STK3: variants seen among roughly 807,000 people sequenced by gnomAD.
STK3 encodes serine/threonine-protein kinase 3.
In STK3, 41 loss-of-function variants were observed where a neutral mutation model predicts 58.0. The ratio of observed to expected loss-of-function variants is 0.71; its 90% CI spans 0.55 to 0.92. The LOEUF (loss-of-function observed/expected upper bound fraction) is 0.92, where lower values mean the gene tolerates loss of function less well. Ranked by LOEUF, STK3 falls within the 40% of genes least tolerant of loss-of-function variation. STK3 has a pLI of 0.00. For missense variants in STK3, 479 were observed against 602.7 expected (o/e 0.79, Z 2.15); for synonymous variants, 170 against 191.0 (o/e 0.89, Z 0.91).
At position 98,764,398 on chromosome 8, in the gene STK3, G is replaced by A. The variant is rs1279344431; in HGVS notation, c.236+2845C>T. 2.6e-5 allele frequency among the ~76,000 whole-genome samples: 4 copies of A among 152,098 alleles called. No homozygotes were observed. In the East Asian group the frequency reaches 7.7e-4, roughly 29 times the overall value. On this transcript the variant is annotated intron_variant, in intron 3 of 10. Transcript: ENST00000419617. The stretch of plus-strand genomic sequence containing the variant: ...AAGTATACTGCTAGGCGCTGAACAG[G>A]TGCTAATAAAGAAAAATATATGGTT...
chr8:98,459,149 G>A (rs1007420787), intron 10 of STK3, among the ~76,000 whole-genome samples: 26 of 152,224 alleles, frequency 1.7e-4, no homozygotes, highest in African/African-American at 5.5e-4. Flanking sequence ...CAATGAAGCC[G>A]TGGCTGAAGT....
chr8:98,519,005 T>C (rs560043471), intron 10 of STK3, among the ~76,000 whole-genome samples: 4 of 152,280 alleles, frequency 2.6e-5, no homozygotes, highest in South Asian at 4.1e-4. Context: ...GAAATATCTA[T>C]AGTTGTCTTT....
intron 6 of STK3, chr8:98,598,461 C>T (rs920766357): frequency 2.0e-6 from 2 of 985,258 alleles, no homozygotes; most frequent in African/African-American, 3.5e-5. Context: ...CAAAATGTCT[C>T]CAGGAAAACC....
intron 3 of STK3, among the ~76,000 whole-genome samples, chr8:98,415,525 C>T (rs1336537977): frequency 6.6e-6 from 1 of 152,176 alleles, no homozygotes; most frequent in Non-Finnish European, 1.5e-5. Context: ...ATCTCTATTC[C>T]CTCCTAAGAG....
At chr8:98,891,914 A>G (rs920162948) in intron 1 of STK3, among the ~76,000 whole-genome samples, 2 of 152,294 alleles carry the variant, frequency 1.3e-5, no homozygotes, top group Admixed American at 6.5e-5. Flanking sequence ...CTAGACTCTG[A>G]AAGTACTCAG....
At chr8:98,933,431 G>T (rs1840074351) in intron 1 of STK3, among the ~76,000 whole-genome samples, 1 of 152,178 alleles carries the variant, frequency 6.6e-6, no homozygotes, top group Non-Finnish European at 1.5e-5. Context: ...TTTACTATTT[G>T]GAGGGGGAAA....
rs555640558 is a variant in STK3 at position 98,752,605 on chromosome 8, T to C, written c.237-3215A>G. 3.9e-5 allele frequency among the ~76,000 whole-genome samples: 6 copies of C among 152,162 alleles called. No individual in the cohort carries two copies. The East Asian group carries it at 1.2e-3, about 29-fold the overall frequency. Reference sequence around the variant, plus strand: ...AAAGCAAAAATTGGCAAATGGGATCTAGTAAAATCAAAGAGCTTCTGTACA... The same window carrying C: ...AAAGCAAAAATTGGCAAATGGGATCCAGTAAAATCAAAGAGCTTCTGTACA... On this transcript the variant is annotated intron_variant, in intron 3 of 10. Coordinates refer to ENST00000419617, the MANE Select transcript of STK3 (RefSeq NM_006281.4).
chr8:98,533,459 T>C (rs1809484248), intron 9 of STK3, among the ~76,000 whole-genome samples: 1 of 152,092 alleles, frequency 6.6e-6, no homozygotes, highest in Non-Finnish European at 1.5e-5. Flanking sequence ...GTTGTATGTA[T>C]GTATGTATGG....
chr8:98,733,766 T>G (rs1277973262), intron 4 of STK3, among the ~76,000 whole-genome samples: 1 of 152,100 alleles, frequency 6.6e-6, no homozygotes, highest in Non-Finnish European at 1.5e-5. Context: ...ACAGCAACAT[T>G]TATTAGTTAT....
intron 2 of STK3, among the ~76,000 whole-genome samples, chr8:98,773,831 G>C (rs1227859759): frequency 6.6e-6 from 1 of 151,538 alleles, no homozygotes; most frequent in Non-Finnish European, 1.5e-5. Flanking sequence ...AGCTTCGCTT[G>C]TGTTGTCCAG....
intron 8 of STK3, among the ~76,000 whole-genome samples, chr8:98,577,042 T>C (rs1027123970): frequency 2.0e-5 from 3 of 152,222 alleles, no homozygotes; most frequent in Non-Finnish European, 2.9e-5. Flanking sequence ...TGCTTTCTTA[T>C]CAAAATCTGG....
intron 6 of STK3, among the ~76,000 whole-genome samples, chr8:98,607,661 A>T (rs1260075945): frequency 1.3e-5 from 2 of 152,244 alleles, no homozygotes; most frequent in Admixed American, 1.3e-4. Flanking sequence ...ATTAAATTGC[A>T]TGTTGAACTA....
Position 98,544,188 on chromosome 8 carries a change from C to G in STK3, c.1141+3781G>C, listed in dbSNP as rs77912307. On this transcript the variant is annotated intron_variant, in intron 9 of 10. Coordinates refer to ENST00000419617, the MANE Select transcript of STK3 (RefSeq NM_006281.4). ...TAATAAAAAGAAAGCAGACTAGGAACTAGGGTCAGGGAACTAGAGGGCTCT... is the reference window on the plus strand; with the variant it reads ...TAATAAAAAGAAAGCAGACTAGGAAGTAGGGTCAGGGAACTAGAGGGCTCT... Among the ~76,000 whole-genome samples the G allele has an allele frequency of 2.6e-4, 40 of 152,166 alleles. 1 individual carries two copies. In the East Asian group the frequency reaches 7.5e-3, roughly 29 times the overall value.
chr8:98,736,699 A>G (rs151276336), intron 4 of STK3, among the ~76,000 whole-genome samples: 149 of 152,292 alleles, frequency 9.8e-4, no homozygotes, highest in African/African-American at 3.3e-3. Context: ...CACACACAAA[A>G]TAAATATGTT....
chr8:98,743,246 GA>G (rs201099118), intron 4 of STK3, among the ~76,000 whole-genome samples: 36,794 of 135,640 alleles, frequency 0.27, 5,158 homozygotes, highest in East Asian at 0.44. Flanking sequence ...AGTTCATATG[GA>G]AAAAAAAAAA....
the STK3 span, among the ~76,000 whole-genome samples, chr8:98,345,750 C>A: frequency 6.6e-6 from 1 of 151,918 alleles, no homozygotes. Context: ...AACAGGACAC[C>A]AAAATAGTTT....
chr8:98,472,990 T>A (rs185271790), intron 10 of STK3, among the ~76,000 whole-genome samples: 1 of 152,176 alleles, frequency 6.6e-6, no homozygotes, highest in Non-Finnish European at 1.5e-5. Flanking sequence ...GCACTCAGCA[T>A]TTTTGTAATT....
intron 6 of STK3, among the ~76,000 whole-genome samples, chr8:98,629,615 G>T (rs1421940298): frequency 6.6e-6 from 1 of 152,212 alleles, no homozygotes; most frequent in Non-Finnish European, 1.5e-5. Flanking sequence ...AAGATGGAAA[G>T]GAAGGTCCTA....
rs1818271304 is a variant in STK3, at chr8:98,428,219, C to T, written n.483+5908G>A. On this transcript the variant is annotated intron_variant and non_coding_transcript_variant, in intron 3 of 3. Transcript: ENST00000517832. The surrounding 1 kb of genome is among the most constrained non-coding windows in gnomAD (Gnocchi z 6.7). ...ACCGCAACCCTGAGCTCTTCCCCTA[C>T]GTGCTGCATTTCTATCACACCGGCA... The T allele has an allele frequency of 1.9e-6, 3 of 1,614,134 alleles. No homozygotes were observed. The highest frequency in any genetic ancestry group is 2.5e-6 in the Non-Finnish European group (3 of 1,180,024).
Sources: gnomAD v4.1 joint callset for allele counts (sites outside exome capture counted in the v4.1 genomes callset) on GRCh38, gnomAD v4.1.1 for gene constraint, Gnocchi (gnomAD v3.1) non-coding constraint, MANE v1.5 for transcripts, NCBI Gene and HGNC (gene_info 2026-07-23, HGNC 2026-07-21) for gene names.